Variants in CUL1 observed in about 807,000 individuals in gnomAD.
CUL1 encodes cullin 1.
CUL1 carries 24 observed loss-of-function variants against 118.0 expected under a neutral mutation model. The observed-to-expected ratio is 0.20, with a 90% CI of 0.15 to 0.29. The LOEUF (loss-of-function observed/expected upper bound fraction) is 0.29, where lower values mean the gene tolerates loss of function less well. Among genes scored for constraint, CUL1 ranks in the 10% least tolerant of loss-of-function variants. The pLI is 1.00. For synonymous variants in CUL1, 332 were observed against 340.4 expected (o/e 0.98, Z 0.27); for missense variants, 361 against 933.8 (o/e 0.39, Z 7.99).
chr7:148,720,071 A>G (rs7811000), intron 1 of CUL1, among the ~76,000 whole-genome samples: 8,471 of 152,292 alleles, frequency 0.056, 825 homozygotes, highest in African/African-American at 0.19. Flanking sequence ...CGTAGCAGCT[A>G]CAGTAAATAT....
At chr7:148,785,608 C>T (rs1205430832) in intron 11 of CUL1, among the ~76,000 whole-genome samples, 1 of 151,556 alleles carries the variant, frequency 6.6e-6, no homozygotes, top group Non-Finnish European at 1.5e-5. Context: ...AAGTGATCCA[C>T]CCGCCTCAGC....
chr7:148,724,714 C>G (rs921168723), intron 1 of CUL1, among the ~76,000 whole-genome samples: 31 of 152,240 alleles, frequency 2.0e-4, no homozygotes, highest in Admixed American at 2.0e-3. Flanking sequence ...CAGGAGGTGG[C>G]ACATCTGCAG....
In CUL1 at chr7:148,730,148, C is replaced by G; in HGVS notation, c.26C>G (p.Pro9Arg). 2 of 1,614,078 alleles carry G rather than the reference C, an allele frequency of 1.2e-6. No homozygotes were observed. The highest frequency in any genetic ancestry group is 1.7e-6 in the Non-Finnish European group (2 of 1,180,002). ...ATGTCGTCAACCCGGAGCCAGAACC[C>G]CCACGGCCTGAAGCAGATTGGCCTG... Reference protein sequence around the residue: MSSTRSQNPHGLKQIGLDQ... With the variant: MSSTRSQNRHGLKQIGLDQ... The change falls in exon 2 of 22, where the codon CCC becomes CGC. Residue 9 changes from proline to arginine, a missense_variant. Pro to Arg is a moderately radical substitution (Grantham distance 103). Transcript: ENST00000325222.
At chr7:148,759,449 A>G (rs971423466) in intron 5 of CUL1, 95 bp downstream of exon 5, 2 of 1,440,880 alleles carry the variant, frequency 1.4e-6, no homozygotes, top group Admixed American at 1.7e-5. Flanking sequence ...GGATTATCCC[A>G]TCTTACATTG....
chr7:148,732,848 T>C (rs1209104693), intron 2 of CUL1, among the ~76,000 whole-genome samples: 1 of 152,218 alleles, frequency 6.6e-6, no homozygotes, highest in Admixed American at 6.5e-5. Flanking sequence ...TGGGTAGTTT[T>C]TTTTCCAGTT....
At chr7:148,736,229 A>G (rs927157240) in intron 2 of CUL1, among the ~76,000 whole-genome samples, 1 of 152,194 alleles carries the variant, frequency 6.6e-6, no homozygotes, top group Non-Finnish European at 1.5e-5. Flanking sequence ...CAGTGTTGGC[A>G]AGGAGACCAA....
At chr7:148,734,533 C>T (rs1017416234) in intron 2 of CUL1, among the ~76,000 whole-genome samples, 4 of 152,190 alleles carry the variant, frequency 2.6e-5, no homozygotes, top group Admixed American at 6.5e-5. Context: ...TATGAACCAC[C>T]GCACCTGGCC....
intron 17 of CUL1, among the ~76,000 whole-genome samples, chr7:148,795,843 T>G (rs1007747819): frequency 2.0e-5 from 3 of 152,206 alleles, no homozygotes; most frequent in African/African-American, 7.2e-5. Flanking sequence ...GCTAAATGTT[T>G]ATTAGCTCTA....
chr7:148,790,654 A>G (rs747239054), intron 16 of CUL1, among the ~76,000 whole-genome samples: 2 of 152,214 alleles, frequency 1.3e-5, no homozygotes, highest in Non-Finnish European at 2.9e-5. Context: ...TGTGAGCCTC[A>G]GTTTTCTCCT....
intron 2 of CUL1, among the ~76,000 whole-genome samples, chr7:148,743,927 A>T (rs577674246): frequency 6.6e-6 from 1 of 152,318 alleles, no homozygotes; most frequent in East Asian, 1.9e-4. Context: ...ATCTCAAAAA[A>T]CAAATTTTTT....
intron 1 of CUL1, among the ~76,000 whole-genome samples, chr7:148,704,453 C>A (rs1272367789): frequency 6.6e-6 from 1 of 152,024 alleles, no homozygotes; most frequent in Non-Finnish European, 1.5e-5. Context: ...AATAGCTATT[C>A]CATTTCTAAG....
intron 17 of CUL1, 132 bp from the exon 18 acceptor site, chr7:148,797,680 C>T: frequency 4.4e-6 from 3 of 681,900 alleles, no homozygotes; most frequent in East Asian, 5.6e-5. Flanking sequence ...TTTTTCCTTC[C>T]AGCATACTCT....
chr7:148,743,630 G>T (rs1395847576), intron 2 of CUL1, among the ~76,000 whole-genome samples: 1 of 152,182 alleles, frequency 6.6e-6, no homozygotes, highest in South Asian at 2.1e-4. Flanking sequence ...TAAGCCAGGT[G>T]TGGTGGCTCA....
intron 2 of CUL1, among the ~76,000 whole-genome samples, chr7:148,746,933 A>G (rs1170424528): frequency 6.6e-6 from 1 of 152,150 alleles, no homozygotes; most frequent in African/African-American, 2.4e-5. Context: ...TGGACCCGAG[A>G]GTGGGTTTAA....
At chr7:148,786,214 A>G (rs951722228) in intron 11 of CUL1, among the ~76,000 whole-genome samples, 14 of 152,246 alleles carry the variant, frequency 9.2e-5, no homozygotes, top group Admixed American at 5.2e-4. Context: ...GCAGACTAGA[A>G]AGCAATTGGT....
chr7:148,798,024 GAAA>G lies in CUL1; in HGVS notation c.2030+8_2030+10del, dbSNP rs771242810. The G allele has an allele frequency of 2.6e-6, 4 of 1,546,188 alleles. No individual in the cohort carries two copies. Among genetic ancestry groups the G allele is most frequent in the Non-Finnish European group, 3.6e-6 (4 of 1,122,186 alleles). On this transcript the variant is annotated splice_donor_region_variant and intron_variant, in intron 19 of 21. Transcript: ENST00000325222. Reference sequence around the variant, plus strand: ...ATTATATCTTGGTTATAAAAAGTAAGAAAAATCTAATAAGTAGATGGCCCTTGA... The same window carrying G: ...ATTATATCTTGGTTATAAAAAGTAAGAATCTAATAAGTAGATGGCCCTTGA...
rs184969369 is a variant in CUL1, at chr7:148,782,201, C to T, written c.1084-1582C>T. On this transcript the variant is annotated intron_variant, in intron 9 of 21. Coordinates refer to ENST00000325222, the MANE Select transcript of CUL1 (RefSeq NM_003592.3). ...GATCTAAAATCTGAATTGGCAGAAG[C>T]AATATCTATTTCAGTGACAAAACCA... Among the ~76,000 whole-genome samples, 15 of 152,242 alleles carry T rather than the reference C, an allele frequency of 9.9e-5. No individual in the cohort carries two copies. The East Asian group carries it at 2.9e-3, about 29-fold the overall frequency.
intron 9 of CUL1, among the ~76,000 whole-genome samples, chr7:148,781,887 C>T (rs1800650842): frequency 6.6e-6 from 1 of 152,168 alleles, no homozygotes; most frequent in African/African-American, 2.4e-5. Context: ...ATATACATAA[C>T]ATGCTATATA....
intron 2 of CUL1, among the ~76,000 whole-genome samples, chr7:148,736,970 T>G (rs1426264352): frequency 2.6e-5 from 4 of 152,260 alleles, no homozygotes; most frequent in Non-Finnish European, 5.9e-5. Context: ...TTTTAAAAAT[T>G]GCTCTTCTTT....
Sources: allele counts gnomAD v4.1 joint callset (sites outside exome capture counted in the v4.1 genomes callset), GRCh38; gene constraint gnomAD v4.1.1; transcripts MANE v1.5; gene names NCBI Gene and HGNC (gene_info 2026-07-23, HGNC 2026-07-21).